PLCG1: variants seen among roughly 807,000 people sequenced by gnomAD.
PLCG1 encodes 1-phosphatidylinositol 4,5-bisphosphate phosphodiesterase gamma-1.
A neutral mutation model predicts 177.8 loss-of-function variants in PLCG1; 71 were observed. That is an observed-to-expected ratio of 0.40 (90% CI 0.33 to 0.49). The LOEUF is 0.49. Ranked by LOEUF, PLCG1 falls within the 20% of genes least tolerant of loss-of-function variation. PLCG1 has a pLI of 0.72. For missense variants in PLCG1, 1,281 were observed against 1,709.0 expected (o/e 0.75, Z 4.42); for synonymous variants, 658 against 647.9 (o/e 1.02, Z -0.24).
At chr20:41,170,383 C>T (rs991088491) in intron 24 of PLCG1, 114 bp downstream of exon 24, 2 of 1,020,898 alleles carry the variant, frequency 2.0e-6, no homozygotes, top group African/African-American at 3.2e-5. Context: ...ATGGCCTATG[C>T]TAGATAGGCC....
chr20:41,174,440 G>A lies in PLCG1; in HGVS notation c.3834-27G>A, dbSNP rs1318027058. 2 of 1,593,376 alleles carry A rather than the reference G, an allele frequency of 1.3e-6. No homozygotes were observed. The highest frequency in any genetic ancestry group is 1.7e-6 in the Non-Finnish European group (2 of 1,169,006). On this transcript the variant is annotated intron_variant, in intron 31 of 31. Coordinates refer to ENST00000685551, the MANE Select transcript of PLCG1 (RefSeq NM_002660.3). The surrounding 1 kb of genome is among the most constrained non-coding windows in gnomAD (Gnocchi z 5.8). ...TTGGGCTGCAAGGCCCTGCCTGCCA[G>A]TAAGGACACTCTTCCCTTCTGTCCA...
Position 41,137,970 on chromosome 20 carries a change from C to G in PLCG1, c.217+112C>G. ...CCAGCGACTTGGGCAAACTTTCGGG[C>G]CCTCCCAGACTCCCTCCGGGCCCCG... On this transcript the variant is annotated intron_variant, in intron 1 of 31. Coordinates refer to ENST00000685551, the MANE Select transcript of PLCG1 (RefSeq NM_002660.3). This position sits in a 1 kb window ranked among gnomAD's most constrained non-coding sequence, Gnocchi z 7.3. 1.5e-6 allele frequency: 1 copy of G among 689,566 alleles called. No individual in the cohort carries two copies. Among genetic ancestry groups the G allele is most frequent in the African/African-American group, 1.9e-5 (1 of 54,012 alleles). The allele number at this position is 689,566 out of a possible 1,614,324, so 42.7% of individuals were successfully genotyped here. A position where few individuals can be genotyped will look rare whatever the true frequency, so the allele number is the denominator to read the frequency against.
In PLCG1 at chr20:41,159,738, T is replaced by A; in HGVS notation, c.350T>A (p.Leu117Gln). The change falls in exon 2 of 32, where the codon CTG (leucine) becomes CAG (glutamine). Residue 117 changes from leucine to glutamine, a missense_variant. Leu to Gln is a moderately radical substitution (Grantham distance 113). Around this residue, in one of 4 missense-constraint regions of PLCG1, gnomAD observed 374 missense variants for 443.8 expected, o/e 0.84. Transcript: ENST00000685551. This position sits in a 1 kb window ranked among gnomAD's most constrained non-coding sequence, Gnocchi z 6.0. ...ATTCTCTATGGAATGGAATTTCGCCTGAAAACGCTGAGCCTGCAAGGTGGG... is the reference window on the plus strand; with the variant it reads ...ATTCTCTATGGAATGGAATTTCGCCAGAAAACGCTGAGCCTGCAAGGTGGG... ...FVILYGMEFR[L>Q]KTLSLQATSE... The A allele has an allele frequency of 6.2e-7, 1 of 1,614,192 alleles. No homozygotes were observed. Among genetic ancestry groups the A allele is most frequent in the Non-Finnish European group, 8.5e-7 (1 of 1,180,032 alleles).
In PLCG1 at chr20:41,166,003, A is replaced by G. The variant is rs1600665769; in HGVS notation, c.1799+177A>G. On this transcript the variant is annotated intron_variant, in intron 16 of 31. Transcript: ENST00000685551. This position sits in a 1 kb window ranked among gnomAD's most constrained non-coding sequence, Gnocchi z 8.6. ...ACTCTCTGTCTCACCCCCCCCCCATACCCCTCCCTTTTCGGTTCATTTGAA... is the reference window on the plus strand; with the variant it reads ...ACTCTCTGTCTCACCCCCCCCCCATGCCCCTCCCTTTTCGGTTCATTTGAA... 2 of 428,688 alleles carry G rather than the reference A, an allele frequency of 4.7e-6. No individual in the cohort carries two copies. Among genetic ancestry groups the G allele is most frequent in the East Asian group, 6.7e-5 (1 of 15,000 alleles). The allele number at this position is 428,688 out of a possible 1,614,324, so 26.6% of individuals were successfully genotyped here. A position where few individuals can be genotyped will look rare whatever the true frequency, so the allele number is the denominator to read the frequency against.
rs189444877 is a variant in PLCG1, at chr20:41,153,307, G to A, written c.218-6299G>A. Among the ~76,000 whole-genome samples, 2 of 152,178 alleles carry A rather than the reference G, an allele frequency of 1.3e-5. No individual in the cohort carries two copies. The highest frequency in any genetic ancestry group is 2.9e-5 in the Non-Finnish European group (2 of 68,006). On this transcript the variant is annotated intron_variant, in intron 1 of 31. Transcript: ENST00000685551. This position sits in a 1 kb window ranked among gnomAD's most constrained non-coding sequence, Gnocchi z 5.1. ...TTTGTGTTTTTAGAGAAAGGATCTCGCTTTGTTGGCCAGGCTGGAGTACAG... is the reference window on the plus strand; with the variant it reads ...TTTGTGTTTTTAGAGAAAGGATCTCACTTTGTTGGCCAGGCTGGAGTACAG...
Position 41,157,616 on chromosome 20 carries a change from A to G in PLCG1, c.218-1990A>G, listed in dbSNP as rs562349601. On this transcript the variant is annotated intron_variant, in intron 1 of 31. Coordinates refer to ENST00000685551, the MANE Select transcript of PLCG1 (RefSeq NM_002660.3). This position sits in a 1 kb window ranked among gnomAD's most constrained non-coding sequence, Gnocchi z 5.4. Reference sequence around the variant, plus strand: ...TGTGAGCATGTATGTACGTGTTTGTATGCACGAGGCATCAAGTGTATTAGT... The same window carrying G: ...TGTGAGCATGTATGTACGTGTTTGTGTGCACGAGGCATCAAGTGTATTAGT... Among the ~76,000 whole-genome samples, 1 of 152,186 alleles carries G rather than the reference A, an allele frequency of 6.6e-6. No homozygotes were observed. Among genetic ancestry groups the G allele is most frequent in the Non-Finnish European group, 1.5e-5 (1 of 68,036 alleles).
intron 1 of PLCG1, among the ~76,000 whole-genome samples, chr20:41,139,905 C>G (rs2034764140): frequency 6.6e-6 from 1 of 152,158 alleles, no homozygotes; most frequent in Non-Finnish European, 1.5e-5. Context: ...ACTCACCCAC[C>G]CACCATGTAG....
chr20:41,138,531 C>A (rs1327950181), intron 1 of PLCG1, among the ~76,000 whole-genome samples: 1 of 150,352 alleles, frequency 6.7e-6, no homozygotes, highest in Non-Finnish European at 1.5e-5. Flanking sequence ...TTTTGGAGGC[C>A]TATGTGGGTG....
chr20:41,139,821 A>C (rs944610182), intron 1 of PLCG1, among the ~76,000 whole-genome samples: 1 of 152,144 alleles, frequency 6.6e-6, no homozygotes, highest in African/African-American at 2.4e-5. Flanking sequence ...ACGGTGACCA[A>C]ATTCACATTT....
rs2035539966 is a variant in PLCG1, at chr20:41,162,480, C to T, written c.541C>T (p.Leu181=). Residue 181 remains leucine (L), a synonymous_variant, in exon 5 of 32, where the codon CTG becomes TTG. Coordinates refer to ENST00000685551, the MANE Select transcript of PLCG1 (RefSeq NM_002660.3). ...ATCAGCCAAGGACCTGAAGAACATG[C>T]TGTCCCAGGTCAACTACCGGGTCCC... The part of the protein sequence containing the change: ...RISAKDLKNM[L]SQVNYRVPNM... 1 of 1,613,642 alleles carries T rather than the reference C, an allele frequency of 6.2e-7. No homozygotes were observed. Among genetic ancestry groups the T allele is most frequent in the African/African-American group, 1.3e-5 (1 of 74,874 alleles).
In PLCG1 at chr20:41,165,647, C is replaced by A. The variant is rs1350729416; in HGVS notation, c.1620C>A (p.Ser540Arg). The change falls in exon 16 of 32, where the codon AGC becomes AGA. Residue 540 changes from serine (S) to arginine (R), a missense_variant. Coordinates refer to ENST00000685551, the MANE Select transcript of PLCG1 (RefSeq NM_002660.3). This position sits in a 1 kb window ranked among gnomAD's most constrained non-coding sequence, Gnocchi z 6.6. ...EDEEEPKEVS[S>R]STELHSNEKW... The stretch of plus-strand genomic sequence containing the variant: ...TTGCCTTCCCCTGACAGGTCAGCAG[C>A]AGCACAGAGCTGCACTCCAATGAGA... The A allele has an allele frequency of 6.2e-7, 1 of 1,612,884 alleles. No individual in the cohort carries two copies. Among genetic ancestry groups the A allele is most frequent in the East Asian group, 2.2e-5 (1 of 44,876 alleles).
rs1038264444 is a variant in PLCG1 at position 41,177,452 on chromosome 20, A to G, written c.*2943A>G. The G allele has an allele frequency of 6.6e-6, 1 of 152,210 alleles. No homozygotes were observed. The highest frequency in any genetic ancestry group is 2.1e-4 in the South Asian group (1 of 4,832). The allele number at this position is 152,210 out of a possible 1,614,324, so 9.4% of individuals were successfully genotyped here. On this transcript the variant is annotated 3_prime_UTR_variant, in exon 32 of 32. Coordinates refer to ENST00000685551, the MANE Select transcript of PLCG1 (RefSeq NM_002660.3). ...ATCTTGAACATCACCTGAGAGCTTGAACATCACTAAGGACCTAGACACTCA... is the reference window on the plus strand; with the variant it reads ...ATCTTGAACATCACCTGAGAGCTTGGACATCACTAAGGACCTAGACACTCA...
rs1475177837 is a variant in PLCG1, at chr20:41,153,349, C to T, written c.218-6257C>T. Among the ~76,000 whole-genome samples, 4 of 152,198 alleles carry T rather than the reference C, an allele frequency of 2.6e-5. No individual in the cohort carries two copies. The highest frequency in any genetic ancestry group is 9.7e-5 in the African/African-American group (4 of 41,438). Reference sequence around the variant, plus strand: ...GGAGTACAGTACTGTGATCATAGCTCATAGAGCTTCCTACTCATCTGCAGC... The same window carrying T: ...GGAGTACAGTACTGTGATCATAGCTTATAGAGCTTCCTACTCATCTGCAGC... On this transcript the variant is annotated intron_variant, in intron 1 of 31. Coordinates refer to ENST00000685551, the MANE Select transcript of PLCG1 (RefSeq NM_002660.3). The surrounding 1 kb of genome is among the most constrained non-coding windows in gnomAD (Gnocchi z 5.1).
chr20:41,162,483 T>C lies in PLCG1; in HGVS notation c.544T>C (p.Ser182Pro), dbSNP rs778462471. The C allele has an allele frequency of 6.2e-7, 1 of 1,613,870 alleles. No homozygotes were observed. The highest frequency in any genetic ancestry group is 8.5e-7 in the Non-Finnish European group (1 of 1,179,852). Reference protein sequence around the residue: ...ISAKDLKNMLSQVNYRVPNMR... With the variant: ...ISAKDLKNMLPQVNYRVPNMR... ...AGCCAAGGACCTGAAGAACATGCTG[T>C]CCCAGGTCAACTACCGGGTCCCCAA... The change falls in exon 5 of 32, where the codon TCC (serine) becomes CCC (proline). Residue 182 changes from serine to proline, a missense_variant. This residue lies in a region of PLCG1 where 374 missense variants were observed against 443.8 expected (regional missense o/e 0.84). Coordinates refer to ENST00000685551, the MANE Select transcript of PLCG1 (RefSeq NM_002660.3).
At chr20:41,168,623 G>A in intron 20 of PLCG1, 144 bp from the exon 21 acceptor site, 1 of 619,960 alleles carries the variant, frequency 1.6e-6, no homozygotes, top group Admixed American at 2.6e-5. Flanking sequence ...ACTATAACTA[G>A]GGCCTGTTGA....
chr20:41,160,149 G>T lies in PLCG1; in HGVS notation c.508G>T (p.Asp170Tyr), dbSNP rs1165275062. ...QFYSVDRNRE[D>Y]RISAKDLKNM... ...TTACTCAGTGGATCGGAATCGTGAGGATCGGTAAGTACTGAGCTGTGGCTG... is the reference window on the plus strand; with the variant it reads ...TTACTCAGTGGATCGGAATCGTGAGTATCGGTAAGTACTGAGCTGTGGCTG... The change falls in exon 4 of 32, where the codon GAT becomes TAT. Residue 170 changes from aspartate to tyrosine, a missense_variant. Physicochemically the swap from Asp to Tyr is radical, Grantham distance 160. Coordinates refer to ENST00000685551, the MANE Select transcript of PLCG1 (RefSeq NM_002660.3). This position sits in a 1 kb window ranked among gnomAD's most constrained non-coding sequence, Gnocchi z 5.5. 1.2e-6 allele frequency: 2 copies of T among 1,613,908 alleles called. No individual in the cohort carries two copies. The highest frequency in any genetic ancestry group is 2.7e-5 in the African/African-American group (2 of 74,916).
At chr20:41,143,081 G>A (rs2034882251) in intron 1 of PLCG1, among the ~76,000 whole-genome samples, 1 of 152,200 alleles carries the variant, frequency 6.6e-6, no homozygotes, top group East Asian at 1.9e-4. Flanking sequence ...GCAGTTGGCT[G>A]GAAGCAGCTG....
At position 41,148,336 on chromosome 20, in the gene PLCG1, C is replaced by T. The variant is rs1001022245; in HGVS notation, c.217+10478C>T. Among the ~76,000 whole-genome samples, 1 of 152,202 alleles carries T rather than the reference C, an allele frequency of 6.6e-6. No homozygotes were observed. The highest frequency in any genetic ancestry group is 2.4e-5 in the African/African-American group (1 of 41,446). ...TCTCCCTTTCCCACTTGTCTCCCTA[C>T]CTCAGCCCCTGTTGCTCTGACGCTT... On this transcript the variant is annotated intron_variant, in intron 1 of 31. Transcript: ENST00000685551. This position sits in a 1 kb window ranked among gnomAD's most constrained non-coding sequence, Gnocchi z 4.3.
At chr20:41,169,430 A>AC in intron 22 of PLCG1, 27 bp from the exon 23 acceptor site, 4 of 1,572,002 alleles carry the variant, frequency 2.5e-6, no homozygotes, top group Non-Finnish European at 3.5e-6. Flanking sequence ...AGCCATGCTG[A>AC]CCATTGGTGG....
Sources: gnomAD v4.1 joint callset for allele counts (sites outside exome capture counted in the v4.1 genomes callset) on GRCh38, gnomAD v4.1.1 for gene constraint, gnomAD v4.1.1 regional missense constraint, Gnocchi (gnomAD v3.1) non-coding constraint, MANE v1.5 for transcripts, NCBI Gene and HGNC (gene_info 2026-07-23, HGNC 2026-07-21) for gene names.